IL1RAPL1: variants seen among roughly 807,000 people sequenced by gnomAD.
The protein encoded by IL1RAPL1 is interleukin 1 receptor accessory protein like 1, also known as interleukin-1 receptor accessory protein-like 1.
Under a neutral mutation model 48.4 loss-of-function variants are expected in IL1RAPL1, and 3 were observed. The ratio of observed to expected loss-of-function variants is 0.06; its 90% confidence interval spans 0.03 to 0.16. IL1RAPL1 has a LOEUF of 0.16. Among genes scored for constraint, IL1RAPL1 ranks in the 10% least tolerant of loss-of-function variants. The probability of loss-of-function intolerance (pLI) is 1.00; values close to 1 mark genes in which losing one functional copy is unlikely to be tolerated. For missense variants in IL1RAPL1, 349 were observed against 530.6 expected, an observed-to-expected ratio of 0.66 and a Z score of 3.36; for synonymous variants, 185 against 187.7, an observed-to-expected ratio of 0.99 and a Z score of 0.12.
At chrX:29,289,944 G>A (rs1932345728) in intron 3 of IL1RAPL1, among the ~76,000 whole-genome samples, 1 of 111,435 alleles carries the variant, frequency 9.0e-6, no homozygotes, top group South Asian at 3.7e-4. Flanking sequence ...TATCTATAAT[G>A]TGTTATATCT....
chrX:28,683,672 G>T (rs1250930735), intron 1 of IL1RAPL1, among the ~76,000 whole-genome samples: 2 of 112,350 alleles, frequency 1.8e-5, no homozygotes, highest in Non-Finnish European at 3.8e-5. Context: ...GAAGTGAGAA[G>T]TCTGACATAG....
chrX:29,367,408 A>G (rs1248314506), intron 3 of IL1RAPL1, among the ~76,000 whole-genome samples: 1 of 111,365 alleles, frequency 9.0e-6, no homozygotes, highest in Non-Finnish European at 1.9e-5. Context: ...ATTGTCTGGC[A>G]AATATTATTA....
intron 8 of IL1RAPL1, among the ~76,000 whole-genome samples, chrX:29,930,405 G>C (rs1484471054): frequency 8.9e-6 from 1 of 111,823 alleles, no homozygotes; most frequent in African/African-American, 3.2e-5. Context: ...AAACTGTCCA[G>C]AATAAAAGGC....
chrX:29,509,833 GA>G (rs1935375426), intron 5 of IL1RAPL1, among the ~76,000 whole-genome samples: 1 of 112,123 alleles, frequency 8.9e-6, no homozygotes. Flanking sequence ...TTTCCTTTTG[GA>G]AGCCATGAAA....
intron 1 of IL1RAPL1, among the ~76,000 whole-genome samples, chrX:28,694,646 T>C (rs1263282957): frequency 1.8e-5 from 2 of 112,363 alleles, no homozygotes; most frequent in Non-Finnish European, 3.8e-5. Context: ...AAAACATTAA[T>C]GTAAAATAGA....
At chrX:28,970,796 G>A (rs747240809) in intron 2 of IL1RAPL1, among the ~76,000 whole-genome samples, 5 of 111,309 alleles carry the variant, frequency 4.5e-5, no homozygotes, top group East Asian at 2.8e-4. Flanking sequence ...GGAATACTGC[G>A]TGCTATAGGC....
intron 2 of IL1RAPL1, among the ~76,000 whole-genome samples, chrX:29,224,845 C>T (rs1931049019): frequency 8.9e-6 from 1 of 111,958 alleles, no homozygotes; most frequent in Non-Finnish European, 1.9e-5. Context: ...ATAAAAATGA[C>T]TGAATATTAA....
intron 6 of IL1RAPL1, among the ~76,000 whole-genome samples, chrX:29,802,795 A>ATATATATATATATATATATGTGTGTG (rs1929972823): frequency 1.9e-5 from 1 of 51,465 alleles, no homozygotes; most frequent in African/African-American, 1.3e-4. Context: ...GTGTGTGTAT[A>ATATATATATATATATATATGTGTGTG]TATATATATA....
intron 2 of IL1RAPL1, among the ~76,000 whole-genome samples, chrX:28,861,509 T>C (rs1216594640): frequency 8.9e-6 from 1 of 112,208 alleles, no homozygotes; most frequent in African/African-American, 3.2e-5. Flanking sequence ...AGTTTTGAGC[T>C]GAAGGGTTGG....
At chrX:29,131,920 G>A (rs1929030677) in intron 2 of IL1RAPL1, among the ~76,000 whole-genome samples, 1 of 111,448 alleles carries the variant, frequency 9.0e-6, no homozygotes, top group Non-Finnish European at 1.9e-5. Context: ...ACTTGAAGGC[G>A]ACGTTATAAG....
chrX:29,522,899 T>C (rs1360371072), intron 5 of IL1RAPL1, among the ~76,000 whole-genome samples: 1 of 111,493 alleles, frequency 9.0e-6, no homozygotes, highest in Non-Finnish European at 1.9e-5. Context: ...GTTCTCTCTC[T>C]CTCTCATCTG....
intron 5 of IL1RAPL1, among the ~76,000 whole-genome samples, chrX:29,608,253 C>T (rs59503070): frequency 1.4e-3 from 154 of 111,724 alleles, no homozygotes; most frequent in African/African-American, 4.7e-3. Flanking sequence ...AAAGTAGAAG[C>T]TTCCAGGCCT....
intron 5 of IL1RAPL1, among the ~76,000 whole-genome samples, chrX:29,524,714 C>T (rs1471870222): frequency 8.9e-6 from 1 of 111,758 alleles, no homozygotes; most frequent in Non-Finnish European, 1.9e-5. Context: ...ATTTTTGTAC[C>T]ACGTAAGTTC....
At chrX:29,253,433 T>G (rs1345845331) in intron 2 of IL1RAPL1, among the ~76,000 whole-genome samples, 2 of 111,068 alleles carry the variant, frequency 1.8e-5, no homozygotes, top group African/African-American at 6.5e-5. Context: ...GGCATGACAA[T>G]GAAAGCTAAG....
chrX:29,097,941 G>A (rs769128446), intron 2 of IL1RAPL1, among the ~76,000 whole-genome samples: 1 of 111,933 alleles, frequency 8.9e-6, no homozygotes, highest in South Asian at 3.7e-4. Context: ...GAATGGATAT[G>A]CTCTTGTTGT....
intron 6 of IL1RAPL1, among the ~76,000 whole-genome samples, chrX:29,852,014 A>G (rs1159958425): frequency 8.9e-6 from 1 of 112,610 alleles, no homozygotes; most frequent in Non-Finnish European, 1.9e-5. Flanking sequence ...CTTTGATTCA[A>G]AGTCACACAG....
At chrX:29,605,071 A>AACACACACACACACACAC (rs757087732) in intron 5 of IL1RAPL1, among the ~76,000 whole-genome samples, 1 of 65,048 alleles carries the variant, frequency 1.5e-5, no homozygotes, top group African/African-American at 5.6e-5. Flanking sequence ...CTAAGTCTTA[A>AACACACACACACACACAC]ACACACACAC....
chrX:28,916,134 G>A (rs1280603489), intron 2 of IL1RAPL1, among the ~76,000 whole-genome samples: 1 of 110,338 alleles, frequency 9.1e-6, no homozygotes, highest in African/African-American at 3.3e-5. Context: ...CTGTTAAATT[G>A]GATTAAGTTC....
intron 2 of IL1RAPL1, among the ~76,000 whole-genome samples, chrX:29,019,466 C>T (rs764362046): frequency 1.3e-3 from 141 of 110,867 alleles, no homozygotes; most frequent in Non-Finnish European, 2.2e-3. Flanking sequence ...TAGTGATGAA[C>T]GAACAATAGA....
Sources: gnomAD v4.1 joint callset for allele counts (sites outside exome capture counted in the v4.1 genomes callset) on GRCh38, gnomAD v4.1.1 for gene constraint, MANE v1.5 for transcripts, NCBI Gene and HGNC (gene_info 2026-07-23, HGNC 2026-07-21) for gene names.